The following MAP3K6 variants were observed in gnomAD, a reference collection of about 807,000 sequenced individuals.
MAP3K6 encodes the protein mitogen-activated protein kinase kinase kinase 6.
MAP3K6 carries 105 observed loss-of-function variants against 147.1 expected under a neutral mutation model. The ratio of observed to expected loss-of-function variants is 0.71; its 90% confidence interval spans 0.61 to 0.84. The LOEUF (loss-of-function observed/expected upper bound fraction) is 0.84. Among genes scored for constraint, MAP3K6 ranks in the 40% least tolerant of loss-of-function variants. The probability of loss-of-function intolerance (pLI) is 0.00; values close to 1 mark genes in which losing one functional copy is unlikely to be tolerated. For synonymous variants in MAP3K6, 695 were observed against 732.4 expected (o/e 0.95, Z 0.82); for missense variants, 1,569 against 1,715.0 (o/e 0.91, Z 1.50).
chr1:27,362,250 C>G lies in MAP3K6; in HGVS notation c.1256G>C (p.Gly419Ala), dbSNP rs757901838. 8 of 1,608,168 alleles carry G rather than the reference C, an allele frequency of 5.0e-6. 1 individual carries two copies. Among genetic ancestry groups the G allele is most frequent in the Middle Eastern group, 1.7e-4 (1 of 6,046 alleles). ...FEDSKELRLI[G>A]MKLGCLLARK... ...GGCCAGCAGGCAGCCCAGCTTCATG[C>G]CTGGGGGAGAGAGGCATGGGCTCCA... is the stretch of plus-strand genomic sequence containing the variant. Residue 419 changes from glycine to alanine, a missense_variant and splice_region_variant, in exon 9 of 29, where the codon GGC (glycine) becomes GCC (alanine). Transcript: ENST00000357582.
rs760260049 is a variant in MAP3K6, at chr1:27,360,032, C to A, written c.2183-38G>T. The stretch of plus-strand genomic sequence containing the variant: ...AGTCCAAGTTCATTCTTCCCACCCA[C>A]TGGCTCCAGCCCACATCTCTCTGCT... On this transcript the variant is annotated intron_variant, in intron 16 of 28. Coordinates refer to ENST00000357582, the MANE Select transcript of MAP3K6 (RefSeq NM_004672.5). The surrounding 1 kb of genome is among the most constrained non-coding windows in gnomAD (Gnocchi z 4.5). 11 of 1,612,008 alleles carry A rather than the reference C, an allele frequency of 6.8e-6. No individual in the cohort carries two copies. Among genetic ancestry groups the A allele is most frequent in the Non-Finnish European group, 9.3e-6 (11 of 1,178,970 alleles).
Position 27,359,751 on chromosome 1 carries a change from T to G in MAP3K6, c.2319+107A>C. 9 of 1,525,816 alleles carry G rather than the reference T, an allele frequency of 5.9e-6. No individual in the cohort carries two copies. In the South Asian group the frequency reaches 1.1e-4, roughly 19 times the overall value. The allele number at this position is 1,525,816 out of a possible 1,614,324, so 94.5% of individuals were successfully genotyped here. A position where few individuals can be genotyped will look rare whatever the true frequency, so the allele number is the denominator to read the frequency against. On this transcript the variant is annotated intron_variant, in intron 17 of 28. Transcript: ENST00000357582. This position sits in a 1 kb window ranked among gnomAD's most constrained non-coding sequence, Gnocchi z 4.4. ...GCCTCCCTGATGAATTCCCTACCCTTTGCAACAGGTCTGCTCACTTAATCT... is the reference window on the plus strand; with the variant it reads ...GCCTCCCTGATGAATTCCCTACCCTGTGCAACAGGTCTGCTCACTTAATCT...
intron 5 of MAP3K6, 141 bp downstream of exon 5, chr1:27,363,776 C>A: frequency 1.1e-6 from 1 of 931,350 alleles, no homozygotes. Context: ...TCCTCTCTAA[C>A]AAATAAGGAG....
chr1:27,363,284 C>CT (rs1411325930), intron 6 of MAP3K6, among the ~76,000 whole-genome samples, 158 bp downstream of exon 6: 3 of 151,910 alleles, frequency 2.0e-5, no homozygotes, highest in Non-Finnish European at 2.9e-5. Flanking sequence ...ACCCAGGCAG[C>CT]AGTAACTCAG....
Position 27,363,021 on chromosome 1 carries a change from C to G in MAP3K6, c.972G>C (p.Arg324=), listed in dbSNP as rs767720039. 1 of 1,612,618 alleles carries G rather than the reference C, an allele frequency of 6.2e-7. No homozygotes were observed. The highest frequency in any genetic ancestry group is 8.5e-7 in the Non-Finnish European group (1 of 1,179,440). ...VCFHYTFALN[R]RNRPGDRAKA... ...TCGCCCGGTCCCCAGGCCTGTTCCT[C>G]CTAGGGAAAAGATGGGCTCAGGCCC... The change falls in exon 7 of 29, where the codon CGG becomes CGC. Residue 324 remains arginine, a splice_region_variant and synonymous_variant. Transcript: ENST00000357582.
intron 27 of MAP3K6, 24 bp from the exon 28 acceptor site, chr1:27,355,769 G>A: frequency 6.2e-7 from 1 of 1,603,500 alleles, no homozygotes; most frequent in Non-Finnish European, 8.5e-7. Context: ...AAGACCCGCA[G>A]AAAGAGGGAA....
chr1:27,365,342 C>T (rs2015939262), intron 1 of MAP3K6, among the ~76,000 whole-genome samples: 1 of 152,194 alleles, frequency 6.6e-6, no homozygotes, highest in Non-Finnish European at 1.5e-5. Flanking sequence ...ATATCTGTGA[C>T]ATGTATAGCT....
Position 27,364,496 on chromosome 1 carries a change from G to T in MAP3K6, c.505-102C>A. 3 of 1,538,304 alleles carry T rather than the reference G, an allele frequency of 2.0e-6. No individual in the cohort carries two copies. Among genetic ancestry groups the T allele is most frequent in the South Asian group, 2.3e-5 (2 of 88,796 alleles). On this transcript the variant is annotated intron_variant, in intron 3 of 28. Coordinates refer to ENST00000357582, the MANE Select transcript of MAP3K6 (RefSeq NM_004672.5). This position sits in a 1 kb window ranked among gnomAD's most constrained non-coding sequence, Gnocchi z 4.4. ...GTCAGCATCAGTGGGAATTGGAATC[G>T]CAGGAAAGGGGCACCCGTCATGAGA...
Position 27,356,701 on chromosome 1 carries a change from T to C in MAP3K6, c.3413A>G (p.Glu1138Gly). ...GCCTGGGCTCTGCTGGGAGTCCCCT[T>C]CATTACTCAGCTCCTCTGACCTCGG... Reference protein sequence around the residue: ...VSPRSEELSNEGDSQQSPGQQ... With the variant: ...VSPRSEELSNGGDSQQSPGQQ... The change falls in exon 25 of 29, where the codon GAA becomes GGA. Residue 1138 changes from glutamate to glycine, a missense_variant. Transcript: ENST00000357582. 6.2e-7 allele frequency: 1 copy of C among 1,605,538 alleles called. No homozygotes were observed. The highest frequency in any genetic ancestry group is 8.5e-7 in the Non-Finnish European group (1 of 1,175,658).
intron 22 of MAP3K6, 38 bp from the exon 23 acceptor site, chr1:27,357,614 G>A (rs369175336): frequency 2.8e-4 from 443 of 1,593,376 alleles, no homozygotes; most frequent in Admixed American, 6.0e-4. Context: ...GAGTGCTCCA[G>A]CCAAAAGAGA....
At position 27,364,929 on chromosome 1, in the gene MAP3K6, G is replaced by A; in HGVS notation, c.341-17C>T. ...CCACCACATCTGCAGGCACAGAGGGGGTGGCGCTGATCCCTGAAGCCCAGC... is the reference window on the plus strand; with the variant it reads ...CCACCACATCTGCAGGCACAGAGGGAGTGGCGCTGATCCCTGAAGCCCAGC... On this transcript the variant is annotated splice_polypyrimidine_tract_variant and intron_variant, in intron 1 of 28. Coordinates refer to ENST00000357582, the MANE Select transcript of MAP3K6 (RefSeq NM_004672.5). This position sits in a 1 kb window ranked among gnomAD's most constrained non-coding sequence, Gnocchi z 4.4. 2 of 1,566,822 alleles carry A rather than the reference G, an allele frequency of 1.3e-6. No homozygotes were observed. Among genetic ancestry groups the A allele is most frequent in the Admixed American group, 3.5e-5 (2 of 56,394 alleles).
chr1:27,355,821 C>T, intron 27 of MAP3K6, 76 bp from the exon 28 acceptor site: 1 of 1,420,484 alleles, frequency 7.0e-7, no homozygotes, highest in Non-Finnish European at 9.9e-7. Flanking sequence ...CAGGTACTAG[C>T]TCTGCTCTGT....
At position 27,355,436 on chromosome 1, in the gene MAP3K6, G is replaced by C. The variant is rs1216592295; in HGVS notation, c.3822C>G (p.Ile1274Met). Residue 1274 changes from isoleucine to methionine, a missense_variant, in exon 29 of 29, where the codon ATC (isoleucine) becomes ATG (methionine). Transcript: ENST00000357582. ...GGMVCRIWRA[I>M]LAQRAGSTPV... ...GTGTGGATCCTGCTCGCTGTGCCAA[G>C]ATGGCCCTCCAGATGCGGCATACCA... 2 of 1,613,996 alleles carry C rather than the reference G, an allele frequency of 1.2e-6. No homozygotes were observed. The highest frequency in any genetic ancestry group is 1.7e-6 in the Non-Finnish European group (2 of 1,180,012).
rs773371017 is a variant in MAP3K6, at chr1:27,362,940, A to G, written c.1053T>C (p.Asp351=). 3 of 1,614,102 alleles carry G rather than the reference A, an allele frequency of 1.9e-6. No homozygotes were observed. The South Asian group carries it at 3.3e-5, about 18-fold the overall frequency. The change falls in exon 7 of 29, where the codon GAT becomes GAC. Residue 351 remains aspartate (D), a synonymous_variant. Coordinates refer to ENST00000357582, the MANE Select transcript of MAP3K6 (RefSeq NM_004672.5). The part of the protein sequence containing the change: ...LVQLEGSVAP[D]LYCMCGRIYK... Reference sequence around the variant, plus strand: ...AGATACGGCCACACATGCAGTACAGATCGGGCGCCACAGAGCCCTCAAGCT... The same window carrying G: ...AGATACGGCCACACATGCAGTACAGGTCGGGCGCCACAGAGCCCTCAAGCT...
chr1:27,357,748 A>G lies in MAP3K6; in HGVS notation c.3044T>C (p.Leu1015Pro). The change falls in exon 22 of 29, where the codon CTG becomes CCG. Residue 1015 changes from leucine (L) to proline (P), a missense_variant. Leu to Pro is a moderately conservative substitution (Grantham distance 98, BLOSUM62 -3). Coordinates refer to ENST00000357582, the MANE Select transcript of MAP3K6 (RefSeq NM_004672.5). ...AAVLEQELPA[L>P]AENLHQEQKQ... ...CTGCTCCTGGTGCAGATTCTCCGCC[A>G]GCGCTGGCAGCTCCTGCTCCAATAC... 4.3e-6 allele frequency: 7 copies of G among 1,611,856 alleles called. No homozygotes were observed. The highest frequency in any genetic ancestry group is 5.9e-6 in the Non-Finnish European group (7 of 1,179,808).
In MAP3K6 at chr1:27,366,786, G is replaced by A. The variant is rs959967963; in HGVS notation, c.-189C>T. ...ATCTAAAGTCCAGGGAGAAATCCTA[G>A]CTCGGACTTGCAAGGTCCTGAGGTT... On this transcript the variant is annotated 5_prime_UTR_variant, in exon 1 of 29. Coordinates refer to ENST00000357582, the MANE Select transcript of MAP3K6 (RefSeq NM_004672.5). This position sits in a 1 kb window ranked among gnomAD's most constrained non-coding sequence, Gnocchi z 5.5. 4 of 298,340 alleles carry A rather than the reference G, an allele frequency of 1.3e-5. No homozygotes were observed. Among genetic ancestry groups the A allele is most frequent in the African/African-American group, 2.3e-5 (1 of 44,262 alleles). The allele number at this position is 298,340 out of a possible 1,614,324, so 18.5% of individuals were successfully genotyped here.
Position 27,364,020 on chromosome 1 carries a change from T to C in MAP3K6, c.761A>G (p.Gln254Arg). Residue 254 changes from glutamine to arginine, a missense_variant, in exon 5 of 29, where the codon CAG becomes CGG. Physicochemically the swap from Gln to Arg is conservative, Grantham distance 43. Coordinates refer to ENST00000357582, the MANE Select transcript of MAP3K6 (RefSeq NM_004672.5). This position sits in a 1 kb window ranked among gnomAD's most constrained non-coding sequence, Gnocchi z 4.4. ...CAGGCGAGCCAGCTCCTGCCGCAGC[T>C]GTGGCCCACTGAACCGCTCCCGCGC... ...RQARERFSGP[Q>R]LRQELARLQR... is the part of the protein sequence containing the mutation. 1.2e-6 allele frequency: 2 copies of C among 1,612,618 alleles called. No homozygotes were observed. The highest frequency in any genetic ancestry group is 8.5e-7 in the Non-Finnish European group (1 of 1,179,938).
chr1:27,357,220 C>T (rs779919021), intron 23 of MAP3K6, 106 bp from the exon 24 acceptor site: 59 of 1,227,160 alleles, frequency 4.8e-5, no homozygotes, highest in Admixed American at 6.0e-5. Context: ...GTGGGGTGGG[C>T]GGGCTTGAGG....
Position 27,361,167 on chromosome 1 carries a change from GC to G in MAP3K6, c.1821del (p.His608ThrfsTer8). Reference sequence around the variant, plus strand: ...TGAAAGGCTGCGCACCACTGGCAGTGCCCTACGCTGGGGAAGCACAGCTGGA... The same window carrying G: ...TGAAAGGCTGCGCACCACTGGCAGTGCCTACGCTGGGGAAGCACAGCTGGA... ...QDVQLCFPSV[G>X]HCQWFCGLIQ... On this transcript the variant is annotated frameshift_variant, in exon 13 of 29. Transcript: ENST00000357582. LOFTEE classifies it high-confidence loss of function. 1 of 1,610,480 alleles carries G rather than the reference GC, an allele frequency of 6.2e-7. No individual in the cohort carries two copies. The highest frequency in any genetic ancestry group is 8.5e-7 in the Non-Finnish European group (1 of 1,178,906).
Sources: allele counts gnomAD v4.1 joint callset (sites outside exome capture counted in the v4.1 genomes callset), GRCh38; gene constraint gnomAD v4.1.1; non-coding constraint Gnocchi (gnomAD v3.1); transcripts MANE v1.5; gene names NCBI Gene and HGNC (gene_info 2026-07-23, HGNC 2026-07-21).